PCED1B: variants seen among roughly 807,000 people sequenced by gnomAD.
The protein encoded by PCED1B is PC-esterase domain containing 1B.
For synonymous variants in PCED1B, 251 were observed against 246.1 expected (o/e 1.02, Z -0.19); for missense variants, 573 against 573.9 (o/e 1.00, Z 0.02).
intron 2 of PCED1B, among the ~76,000 whole-genome samples, chr12:47,170,949 T>G (rs1182912772): frequency 1.3e-5 from 2 of 152,150 alleles, no homozygotes; most frequent in African/African-American, 4.8e-5. Flanking sequence ...TTCTGGACTA[T>G]CATATGAAAT....
chr12:47,236,570 TG>T lies in PCED1B; in HGVS notation c.*211del. The T allele has an allele frequency of 1.9e-6, 1 of 534,434 alleles. No homozygotes were observed. The allele number at this position is 534,434 out of a possible 1,614,324, so 33.1% of individuals were successfully genotyped here. A position where few individuals can be genotyped will look rare whatever the true frequency, so the allele number is the denominator to read the frequency against. On this transcript the variant is annotated 3_prime_UTR_variant, in exon 4 of 4. Coordinates refer to ENST00000546455, the MANE Select transcript of PCED1B (RefSeq NM_138371.3). ...TGGCTGCAGCCTCTTCCCCACTTCCTGGGAGTGACCCAGCGTTATTCCTGCC... is the reference window on the plus strand; with the variant it reads ...TGGCTGCAGCCTCTTCCCCACTTCCTGGAGTGACCCAGCGTTATTCCTGCC...
intron 2 of PCED1B, chr12:47,135,420 T>A: frequency 3.9e-6 from 1 of 253,556 alleles, no homozygotes; most frequent in Non-Finnish European, 8.1e-6. Context: ...GGGCAAGGAA[T>A]GGAAGGCGGA....
At position 47,156,566 on chromosome 12, in the gene PCED1B, G is replaced by A. The variant is rs565951506; in HGVS notation, c.-526+52371G>A. Among the ~76,000 whole-genome samples, 21 of 151,954 alleles carry A rather than the reference G, an allele frequency of 1.4e-4. No homozygotes were observed. In the South Asian group the frequency reaches 4.0e-3, roughly 29 times the overall value. On this transcript the variant is annotated intron_variant, in intron 2 of 3. Coordinates refer to ENST00000546455, the MANE Select transcript of PCED1B (RefSeq NM_138371.3). ...CACAGTCTATGCCCTTGGGCTCAGG[G>A]CACACAGGGCTGCTTCTGCTTGGAA...
chr12:47,169,989 G>A lies in PCED1B; in HGVS notation c.-525-46233G>A, dbSNP rs184938597. Among the ~76,000 whole-genome samples, 7 of 150,632 alleles carry A rather than the reference G, an allele frequency of 4.6e-5. No individual in the cohort carries two copies. The East Asian group carries it at 1.2e-3, about 25-fold the overall frequency. ...TAGGACAATAGTGGAGGGAAGGTCA[G>A]CAGATAAACACGTGAACAAGGGTCT... On this transcript the variant is annotated intron_variant, in intron 2 of 3. Coordinates refer to ENST00000546455, the MANE Select transcript of PCED1B (RefSeq NM_138371.3).
chr12:47,232,819 T>A (rs1017701180), intron 3 of PCED1B, among the ~76,000 whole-genome samples: 4 of 152,188 alleles, frequency 2.6e-5, no homozygotes, highest in African/African-American at 9.6e-5. Flanking sequence ...TAGATTAAAC[T>A]AACAAAAGAC....
chr12:47,181,521 G>A (rs1942096202), intron 2 of PCED1B, among the ~76,000 whole-genome samples: 1 of 151,754 alleles, frequency 6.6e-6, no homozygotes, highest in Non-Finnish European at 1.5e-5. Context: ...GCACCACCAT[G>A]CCTGGCTAAT....
At chr12:47,216,053 CA>C (rs1272570000) in intron 2 of PCED1B, 168 bp from the exon 3 acceptor site, 4 of 151,262 alleles carry the variant, frequency 2.6e-5, no homozygotes, top group Non-Finnish European at 5.9e-5. Context: ...AACTCCGTCT[CA>C]AAAAAAATAA....
At chr12:47,106,267 T>C (rs1011036221) in intron 2 of PCED1B, among the ~76,000 whole-genome samples, 4 of 152,168 alleles carry the variant, frequency 2.6e-5, no homozygotes, top group Non-Finnish European at 4.4e-5. Flanking sequence ...ACTTGGTGTT[T>C]TCCATTTTCT....
chr12:47,100,154 C>T (rs1938640558), intron 1 of PCED1B, among the ~76,000 whole-genome samples: 1 of 152,188 alleles, frequency 6.6e-6, no homozygotes, highest in Non-Finnish European at 1.5e-5. Flanking sequence ...CAGTTTCTGA[C>T]AGACTGTGAT....
chr12:47,215,744 T>C (rs1371379641), intron 2 of PCED1B, among the ~76,000 whole-genome samples: 1 of 151,878 alleles, frequency 6.6e-6, no homozygotes, highest in Admixed American at 6.6e-5. Flanking sequence ...AGTGGAGAGA[T>C]GAAGTGAAAG....
rs749663670 is a variant in PCED1B at position 47,236,383 on chromosome 12, C to T, written c.*21C>T. On this transcript the variant is annotated 3_prime_UTR_variant, in exon 4 of 4. Transcript: ENST00000546455. ...AATAGACGGACCTAGGCCTTATTTC[C>T]TCTTTATGAACATGGATTGGACAGA... The T allele has an allele frequency of 7.9e-6, 12 of 1,520,502 alleles. No individual in the cohort carries two copies. In the East Asian group the frequency reaches 2.8e-4, roughly 36 times the overall value. 94.2% of individuals were successfully genotyped at this position (1,520,502 alleles called of 1,614,324 possible). A position where few individuals can be genotyped will look rare whatever the true frequency, so the allele number is the denominator to read the frequency against.
chr12:47,198,407 C>A (rs1306059559), intron 2 of PCED1B, among the ~76,000 whole-genome samples: 1 of 152,062 alleles, frequency 6.6e-6, no homozygotes, highest in African/African-American at 2.4e-5. Flanking sequence ...TGGATCTCAA[C>A]TTCATAAAGG....
intron 1 of PCED1B, among the ~76,000 whole-genome samples, chr12:47,098,290 G>A (rs1938562890): frequency 6.6e-6 from 1 of 152,206 alleles, no homozygotes. Flanking sequence ...ATGGACTGCA[G>A]CTGAGAGCTC....
chr12:47,144,072 C>T (rs553197633), intron 2 of PCED1B, among the ~76,000 whole-genome samples: 6 of 152,244 alleles, frequency 3.9e-5, no homozygotes, highest in African/African-American at 1.4e-4. Context: ...TGAAAGAAAC[C>T]ATGCCCCCAC....
rs1270391131 is a variant in PCED1B at position 47,190,572 on chromosome 12, TG to T, written c.-525-25647del. Among the ~76,000 whole-genome samples, 8 of 152,360 alleles carry T rather than the reference TG, an allele frequency of 5.3e-5. No homozygotes were observed. In the East Asian group the frequency reaches 1.5e-3, roughly 29 times the overall value. ...ATAGCAGCTATGCAAATCCTGCATC[TG>T]GGATACCTGTGACTCATTTACACAG... On this transcript the variant is annotated intron_variant, in intron 2 of 3. Coordinates refer to ENST00000546455, the MANE Select transcript of PCED1B (RefSeq NM_138371.3).
chr12:47,121,242 G>A (rs921068439), intron 2 of PCED1B, among the ~76,000 whole-genome samples: 14 of 152,106 alleles, frequency 9.2e-5, no homozygotes, highest in Non-Finnish European at 1.9e-4. Flanking sequence ...CATTGTAGGC[G>A]ACGGTTTATA....
intron 2 of PCED1B, among the ~76,000 whole-genome samples, chr12:47,139,231 A>T (rs1431834235): frequency 6.6e-6 from 1 of 152,152 alleles, no homozygotes; most frequent in Admixed American, 6.5e-5. Flanking sequence ...CAAAATGAGG[A>T]TGTTAGACTA....
intron 1 of PCED1B, among the ~76,000 whole-genome samples, chr12:47,098,242 G>A (rs1938560256): frequency 6.6e-6 from 1 of 152,158 alleles, no homozygotes; most frequent in Non-Finnish European, 1.5e-5. Context: ...TCTCTCTTAC[G>A]ATTCTGAGCC....
At chr12:47,217,213 C>A (rs1943285852) in intron 3 of PCED1B, among the ~76,000 whole-genome samples, 1 of 151,706 alleles carries the variant, frequency 6.6e-6, no homozygotes, top group Non-Finnish European at 1.5e-5. Flanking sequence ...CCAGCCTGGA[C>A]AACATGATGA....
Sources: allele counts gnomAD v4.1 joint callset (sites outside exome capture counted in the v4.1 genomes callset), GRCh38; gene constraint gnomAD v4.1.1; transcripts MANE v1.5; gene names NCBI Gene and HGNC (gene_info 2026-07-23, HGNC 2026-07-21).